The following DMD variants were observed in gnomAD, a reference collection of about 807,000 sequenced individuals.
DMD encodes mutant dystrophin.
DMD carries 63 observed loss-of-function variants against 330.1 expected under a neutral mutation model. The ratio of observed to expected loss-of-function variants is 0.19; its 90% confidence interval spans 0.16 to 0.24. The LOEUF (loss-of-function observed/expected upper bound fraction) is 0.24, where lower values mean the gene tolerates loss of function less well. Among genes scored for constraint, DMD ranks in the 10% least tolerant of loss-of-function variants. The probability of loss-of-function intolerance (pLI) is 1.00; values close to 1 mark genes in which losing one functional copy is unlikely to be tolerated. For synonymous variants in DMD, 1,223 were observed against 959.8 expected, an observed-to-expected ratio of 1.27 and a Z score of -5.07; for missense variants, 3,344 against 2,684.1, an observed-to-expected ratio of 1.25 and a Z score of -5.43.
At chrX:32,706,388 A>G (rs995487924) in intron 7 of DMD, among the ~76,000 whole-genome samples, 3 of 80,470 alleles carry the variant, frequency 3.7e-5, no homozygotes, top group African/African-American at 9.5e-5. Context: ...TATAATAATA[A>G]AAAAAAAATG....
intron 52 of DMD, among the ~76,000 whole-genome samples, chrX:31,719,954 T>G (rs970243696): frequency 7.2e-5 from 8 of 111,760 alleles, no homozygotes; most frequent in African/African-American, 2.6e-4. Flanking sequence ...TGAGTGATCG[T>G]GAGACAGAAC....
chrX:31,688,579 A>T lies in DMD; in HGVS notation c.7661-8993T>A, dbSNP rs1252003756. ...GTATCATTCCTTCTAAAACTATTCC[A>T]ATCAATAGAAAAAGAGGGAATCCTC... On this transcript the variant is annotated intron_variant, in intron 52 of 78. Coordinates refer to ENST00000357033, the MANE Select transcript of DMD (RefSeq NM_004006.3). Among the ~76,000 whole-genome samples, 3 of 111,982 alleles carry T rather than the reference A, an allele frequency of 2.7e-5. No individual in the cohort carries two copies. The East Asian group carries it at 8.4e-4, about 31-fold the overall frequency.
chrX:32,230,324 A>T (rs1256675865), intron 43 of DMD, among the ~76,000 whole-genome samples: 1 of 111,869 alleles, frequency 8.9e-6, no homozygotes, highest in Non-Finnish European at 1.9e-5. Context: ...GGCTCACTAC[A>T]AGCTCTGCCT....
chrX:33,048,050 T>C (rs370665299), intron 1 of DMD, among the ~76,000 whole-genome samples: 64 of 112,597 alleles, frequency 5.7e-4, no homozygotes, highest in African/African-American at 1.6e-3. Flanking sequence ...TTAGAAATGC[T>C]TATACAAATC....
At chrX:32,282,622 T>C (rs2097424661) in intron 43 of DMD, among the ~76,000 whole-genome samples, 1 of 112,086 alleles carries the variant, frequency 8.9e-6, no homozygotes, top group African/African-American at 3.2e-5. Context: ...TGGAAGCAGG[T>C]ATGTTAGATA....
intron 47 of DMD, among the ~76,000 whole-genome samples, chrX:31,879,147 C>T (rs2149697404): frequency 9.5e-6 from 1 of 105,233 alleles, no homozygotes; most frequent in African/African-American, 3.5e-5. Flanking sequence ...TTAACAAAGA[C>T]ATATCTGAGA....
intron 59 of DMD, among the ~76,000 whole-genome samples, chrX:31,463,402 A>C (rs1359181257): frequency 8.9e-6 from 1 of 112,074 alleles, no homozygotes; most frequent in Non-Finnish European, 1.9e-5. Flanking sequence ...TACCAAGAAA[A>C]ATTATTCAAT....
At chrX:32,735,107 C>T (rs1274127683) in intron 7 of DMD, among the ~76,000 whole-genome samples, 1 of 109,216 alleles carries the variant, frequency 9.2e-6, no homozygotes, top group Non-Finnish European at 1.9e-5. Flanking sequence ...CACAAGCATT[C>T]TTATACACCA....
intron 2 of DMD, among the ~76,000 whole-genome samples, chrX:32,998,010 A>T (rs2093170443): frequency 9.0e-6 from 1 of 111,027 alleles, no homozygotes. Context: ...TATGTTAGTA[A>T]ACTTTATTGT....
At chrX:32,734,633 C>G (rs2068180744) in intron 7 of DMD, among the ~76,000 whole-genome samples, 1 of 106,863 alleles carries the variant, frequency 9.4e-6, no homozygotes, top group Middle Eastern at 4.3e-3. Context: ...TAAATGTAAT[C>G]CAGCATATAA....
chrX:33,102,947 G>T (rs147334667), intron 1 of DMD, among the ~76,000 whole-genome samples: 1 of 111,630 alleles, frequency 9.0e-6, no homozygotes, highest in Non-Finnish European at 1.9e-5. Context: ...GCATATAAGC[G>T]AATTAAAGTA....
chrX:31,808,626 C>T (rs1466933758), intron 50 of DMD, among the ~76,000 whole-genome samples: 1 of 111,005 alleles, frequency 9.0e-6, no homozygotes, highest in Admixed American at 9.6e-5. Context: ...TGTCTTTCAG[C>T]TGGTGGGAGT....
intron 12 of DMD, among the ~76,000 whole-genome samples, chrX:32,606,722 CAT>C (rs59502866): frequency 1.2e-3 from 101 of 85,907 alleles, no homozygotes; most frequent in African/African-American, 3.2e-3. Context: ...TGTATATACG[CAT>C]ATATATATAT....
intron 61 of DMD, among the ~76,000 whole-genome samples, chrX:31,327,879 A>C (rs1016280365): frequency 8.9e-6 from 1 of 112,719 alleles, no homozygotes; most frequent in African/African-American, 3.2e-5. Flanking sequence ...GCTAAGTAGT[A>C]TGCCATTATA....
chrX:33,048,771 T>C (rs1386500534), intron 1 of DMD, among the ~76,000 whole-genome samples: 2 of 101,786 alleles, frequency 2.0e-5, no homozygotes, highest in Non-Finnish European at 4.0e-5. Context: ...GGTAAACAAC[T>C]GCAGGGAAAG....
At chrX:31,207,382 A>T (rs5927705) in intron 65 of DMD, among the ~76,000 whole-genome samples, 5 of 109,585 alleles carry the variant, frequency 4.6e-5, no homozygotes, top group Non-Finnish European at 9.5e-5. Context: ...AGCATTTCAC[A>T]TAACAAATTT....
intron 2 of DMD, among the ~76,000 whole-genome samples, chrX:32,886,589 A>G (rs946991354): frequency 9.1e-6 from 1 of 110,452 alleles, no homozygotes; most frequent in East Asian, 2.9e-4. Flanking sequence ...AGGCTGAGGC[A>G]GGAGAATGGC....
intron 44 of DMD, among the ~76,000 whole-genome samples, chrX:32,093,529 A>G (rs991629547): frequency 5.4e-5 from 6 of 112,123 alleles, no homozygotes; most frequent in African/African-American, 1.9e-4. Context: ...TTGTCGAAAA[A>G]CTAAAAATTT....
rs1174153877 is a variant in DMD, at chrX:31,266,159, C to CAAAAAAAAAAAAAAA, written c.9225-5158_9225-5144dup. 8.0e-3 allele frequency among the ~76,000 whole-genome samples: 107 copies of CAAAAAAAAAAAAAAA among 13,329 alleles called. 17 individuals are homozygous for CAAAAAAAAAAAAAAA. Among genetic ancestry groups the CAAAAAAAAAAAAAAA allele is most frequent in the African/African-American group, 9.7e-3 (26 of 2,692 alleles). 11.6% of individuals were successfully genotyped at this position (13,329 alleles called of 115,157 possible). ...TGACTCCACACCCAATCCCGAAGGGCAAAAAAAAAAAAAAAAAAAAAAAAG... is the reference window on the plus strand; with the variant it reads ...TGACTCCACACCCAATCCCGAAGGGCAAAAAAAAAAAAAAAAAAAAAAAAAAAAAAAAAAAAAAAG... On this transcript the variant is annotated intron_variant, in intron 62 of 78. Transcript: ENST00000357033.
Sources: gnomAD v4.1 joint callset for allele counts (sites outside exome capture counted in the v4.1 genomes callset) on GRCh38, gnomAD v4.1.1 for gene constraint, MANE v1.5 for transcripts, NCBI Gene and HGNC (gene_info 2026-07-23, HGNC 2026-07-21) for gene names.